Variants in KCNQ5 observed in about 807,000 individuals in gnomAD.
KCNQ5 encodes the protein potassium voltage-gated channel subfamily KQT member 5.
KCNQ5 carries 30 observed loss-of-function variants against 98.2 expected under a neutral mutation model. The observed-to-expected ratio is 0.31, with a 90% CI of 0.23 to 0.41. The LOEUF is 0.41. KCNQ5 is among the 10% of genes least tolerant of loss of function. The pLI, the probability that KCNQ5 is intolerant of heterozygous loss-of-function variation, is 1.00. For missense variants in KCNQ5, 835 were observed against 1,182.5 expected (o/e 0.71, Z 4.31); for synonymous variants, 458 against 449.4 (o/e 1.02, Z -0.24).
At chr6:73,024,306 A>G (rs1005063717) in intron 2 of KCNQ5, among the ~76,000 whole-genome samples, 1 of 147,828 alleles carries the variant, frequency 6.8e-6, no homozygotes, top group Non-Finnish European at 1.5e-5. Context: ...ACAAAAAAAA[A>G]TAACCTTAGG....
chr6:73,115,152 A>G (rs1255015986), intron 7 of KCNQ5, among the ~76,000 whole-genome samples: 1 of 152,086 alleles, frequency 6.6e-6, no homozygotes, highest in Non-Finnish European at 1.5e-5. Flanking sequence ...ATAAATAAGA[A>G]CAGACTCAGA....
chr6:72,972,617 G>A (rs1301301187), intron 1 of KCNQ5, among the ~76,000 whole-genome samples: 2 of 151,876 alleles, frequency 1.3e-5, no homozygotes, highest in Non-Finnish European at 2.9e-5. Flanking sequence ...TCCTGTGTTA[G>A]TTTGCTGAGG....
chr6:72,878,253 A>G (rs955296783), intron 1 of KCNQ5, among the ~76,000 whole-genome samples: 3 of 152,220 alleles, frequency 2.0e-5, no homozygotes, highest in Non-Finnish European at 2.9e-5. Flanking sequence ...CTGGGCAACA[A>G]GAGTGAAACT....
At chr6:72,843,362 A>G (rs1340463773) in intron 1 of KCNQ5, among the ~76,000 whole-genome samples, 1 of 152,184 alleles carries the variant, frequency 6.6e-6, no homozygotes. Flanking sequence ...TGGTATCAGT[A>G]CCATGCTGTT....
intron 1 of KCNQ5, among the ~76,000 whole-genome samples, chr6:72,716,920 A>T (rs1194421483): frequency 6.6e-6 from 1 of 152,212 alleles, no homozygotes; most frequent in Non-Finnish European, 1.5e-5. Context: ...TGATCCACAC[A>T]ATGTTTATTA....
intron 2 of KCNQ5, among the ~76,000 whole-genome samples, chr6:73,006,614 C>T (rs1769826625): frequency 6.6e-6 from 1 of 152,136 alleles, no homozygotes; most frequent in African/African-American, 2.4e-5. Flanking sequence ...GATCGCACCA[C>T]TGCACTCCAG....
At chr6:73,189,677 T>C (rs752853016) in intron 11 of KCNQ5, among the ~76,000 whole-genome samples, 7 of 152,160 alleles carry the variant, frequency 4.6e-5, no homozygotes, top group African/African-American at 9.7e-5. Context: ...CTAATTCAAA[T>C]GTTATGTTTC....
rs562023989 is a variant in KCNQ5 at position 73,138,467 on chromosome 6, G to C, written c.1468+4826G>C. Among the ~76,000 whole-genome samples the C allele has an allele frequency of 2.8e-4, 43 of 152,302 alleles. No homozygotes were observed. In the South Asian group the frequency reaches 7.0e-3, roughly 25 times the overall value. ...AACCTGGACAGTGAAGGAGAAGGAC[G>C]TAGCTTTAGGGAGCTCCACCTTACA... is the stretch of plus-strand genomic sequence containing the variant. On this transcript the variant is annotated intron_variant, in intron 10 of 13. Coordinates refer to ENST00000370398, the MANE Select transcript of KCNQ5 (RefSeq NM_019842.4).
At chr6:72,733,334 T>C (rs1182120003) in intron 1 of KCNQ5, among the ~76,000 whole-genome samples, 1 of 152,124 alleles carries the variant, frequency 6.6e-6, no homozygotes, top group African/African-American at 2.4e-5. Flanking sequence ...TCAAATACTA[T>C]AGATGTCAAG....
At chr6:72,660,641 A>G (rs1766469830) in intron 1 of KCNQ5, among the ~76,000 whole-genome samples, 1 of 152,174 alleles carries the variant, frequency 6.6e-6, no homozygotes. Flanking sequence ...TTTAAAGTTT[A>G]TCTTGCACTT....
At position 73,002,420 on chromosome 6, in the gene KCNQ5, A is replaced by G. The variant is rs769916564; in HGVS notation, c.399-1488A>G. ...CTACAAATGTTAATTCTCAGTTTTC[A>G]TATCTGTAAAATGGGGATTATAATA... is the stretch of plus-strand genomic sequence containing the variant. On this transcript the variant is annotated intron_variant, in intron 1 of 13. Transcript: ENST00000370398. Among the ~76,000 whole-genome samples the G allele has an allele frequency of 3.9e-5, 6 of 152,194 alleles. No individual in the cohort carries two copies. In the East Asian group the frequency reaches 5.8e-4, roughly 15 times the overall value.
chr6:73,155,733 G>T (rs558172518), intron 10 of KCNQ5, among the ~76,000 whole-genome samples: 4 of 152,130 alleles, frequency 2.6e-5, no homozygotes, highest in African/African-American at 9.6e-5. Flanking sequence ...TAAAACCACA[G>T]GTGAATTTTT....
intron 1 of KCNQ5, among the ~76,000 whole-genome samples, chr6:72,717,653 A>C (rs1488557693): frequency 1.3e-5 from 2 of 152,204 alleles, no homozygotes; most frequent in Non-Finnish European, 2.9e-5. Context: ...CAATCTTAGC[A>C]TTAACCACGT....
At chr6:72,667,630 C>G (rs113567389) in intron 1 of KCNQ5, among the ~76,000 whole-genome samples, 2,027 of 152,216 alleles carry the variant, frequency 0.013, 32 homozygotes, top group African/African-American at 0.042. Context: ...AAAAATCAAG[C>G]AGGTACCAGT....
chr6:73,043,710 A>T (rs1302281205), intron 3 of KCNQ5, among the ~76,000 whole-genome samples: 2 of 152,226 alleles, frequency 1.3e-5, no homozygotes, highest in African/African-American at 4.8e-5. Flanking sequence ...AAAATGTTTC[A>T]TTCCAGATTT....
intron 1 of KCNQ5, among the ~76,000 whole-genome samples, chr6:72,686,304 T>A (rs1767947072): frequency 6.6e-6 from 1 of 152,164 alleles, no homozygotes; most frequent in East Asian, 1.9e-4. Context: ...GCCAACAAAC[T>A]GTATTATCAA....
At chr6:72,664,680 C>G (rs1232117012) in intron 1 of KCNQ5, among the ~76,000 whole-genome samples, 1 of 151,560 alleles carries the variant, frequency 6.6e-6, no homozygotes, top group Non-Finnish European at 1.5e-5. Context: ...AACAAACAAA[C>G]AAACAAACAA....
chr6:72,762,436 G>A (rs540725735), intron 1 of KCNQ5, among the ~76,000 whole-genome samples: 7 of 151,794 alleles, frequency 4.6e-5, no homozygotes, highest in South Asian at 4.2e-4. Context: ...AATAGAATAC[G>A]TTTTAAGTTT....
intron 1 of KCNQ5, among the ~76,000 whole-genome samples, chr6:72,939,788 C>T (rs929244839): frequency 2.6e-5 from 4 of 152,200 alleles, no homozygotes; most frequent in Non-Finnish European, 5.9e-5. Flanking sequence ...CCCAACTGAG[C>T]TGGTATTTGG....
Sources: gnomAD v4.1 joint callset for allele counts (sites outside exome capture counted in the v4.1 genomes callset) on GRCh38, gnomAD v4.1.1 for gene constraint, MANE v1.5 for transcripts, NCBI Gene and HGNC (gene_info 2026-07-23, HGNC 2026-07-21) for gene names.